Variants in HDLBP observed in about 807,000 individuals in gnomAD.
HDLBP encodes the protein high density lipoprotein binding protein.
A neutral mutation model predicts 137.3 loss-of-function variants in HDLBP; 30 were observed. That is an observed-to-expected ratio of 0.22 (90% confidence interval 0.16 to 0.30). HDLBP has a LOEUF of 0.30. Ranked by LOEUF, HDLBP falls within the 10% of genes least tolerant of loss-of-function variation. HDLBP has a pLI of 1.00. For synonymous variants in HDLBP, 606 were observed against 596.0 expected (o/e 1.02, Z -0.24); for missense variants, 1,119 against 1,667.3 (o/e 0.67, Z 5.73).
At chr2:241,306,022 A>G (rs1292067009) in intron 1 of HDLBP, among the ~76,000 whole-genome samples, 1 of 152,062 alleles carries the variant, frequency 6.6e-6, no homozygotes, top group Non-Finnish European at 1.5e-5. Context: ...AGCCTCCCAA[A>G]GTGCTGGGAT....
chr2:241,284,478 G>A (rs1559543333), intron 1 of HDLBP, among the ~76,000 whole-genome samples: 1 of 152,212 alleles, frequency 6.6e-6, no homozygotes, highest in Non-Finnish European at 1.5e-5. Flanking sequence ...CAGAGAAAGT[G>A]GTTTCCTAAG....
chr2:241,235,707 A>G, intron 21 of HDLBP, 113 bp from the exon 22 acceptor site: 1 of 687,982 alleles, frequency 1.5e-6, no homozygotes, highest in Non-Finnish European at 2.6e-6. Context: ...GACAACAGCA[A>G]TGTGCCCCAC....
At chr2:241,303,696 C>T (rs2075466694) in intron 1 of HDLBP, among the ~76,000 whole-genome samples, 1 of 152,236 alleles carries the variant, frequency 6.6e-6, no homozygotes, top group Admixed American at 6.5e-5. Flanking sequence ...GAGACCTGGC[C>T]TTCAGACTGG....
At chr2:241,262,172 A>G (rs945506279) in intron 5 of HDLBP, among the ~76,000 whole-genome samples, 1 of 152,240 alleles carries the variant, frequency 6.6e-6, no homozygotes, top group African/African-American at 2.4e-5. Flanking sequence ...AATCTCCTCA[A>G]TTTGGGGCCT....
At position 241,272,486 on chromosome 2, in the gene HDLBP, C is replaced by G. The variant is rs2074160112; in HGVS notation, c.-102-3945G>C. 1.0e-6 allele frequency: 1 copy of G among 984,494 alleles called. No individual in the cohort carries two copies. The highest frequency in any genetic ancestry group is 1.2e-6 in the Non-Finnish European group (1 of 829,664). The allele number at this position is 984,494 out of a possible 1,614,324, so 61.0% of individuals were successfully genotyped here. A position where few individuals can be genotyped will look rare whatever the true frequency, so the allele number is the denominator to read the frequency against. ...AGAGCGGCCCAGCGGCGCCACCGGA[C>G]TTGAGAAAGTTTGTGCGCGCCCCTC... On this transcript the variant is annotated intron_variant, in intron 1 of 27. Transcript: ENST00000310931. This position sits in a 1 kb window ranked among gnomAD's most constrained non-coding sequence, Gnocchi z 5.6.
Position 241,248,322 on chromosome 2 carries a change from G to C in HDLBP, c.1539C>G (p.Ile513Met). Reference sequence around the variant, plus strand: ...TTGTGCGATGAAATCTTTGCTCAATGATTAGATCCTTGGTACGCTCATTTT... The same window carrying C: ...TTGTGCGATGAAATCTTTGCTCAATCATTAGATCCTTGGTACGCTCATTTT... ...RMENERTKDL[I>M]IEQRFHRTII... Residue 513 changes from isoleucine to methionine, a missense_variant, in exon 13 of 28, where the codon ATC (isoleucine) becomes ATG (methionine). Ile to Met is a conservative substitution (Grantham distance 10, BLOSUM62 1). Coordinates refer to ENST00000310931, the MANE Select transcript of HDLBP (RefSeq NM_005336.6). The C allele has an allele frequency of 6.2e-7, 1 of 1,613,562 alleles. No homozygotes were observed. The highest frequency in any genetic ancestry group is 8.5e-7 in the Non-Finnish European group (1 of 1,179,466).
chr2:241,273,167 G>GA (rs1375445531), intron 1 of HDLBP: 1 of 985,372 alleles, frequency 1.0e-6, no homozygotes, highest in African/African-American at 1.7e-5. Flanking sequence ...AAAATCAGAA[G>GA]AAAAACCTCA....
chr2:241,285,082 T>C (rs1010365832), intron 1 of HDLBP, among the ~76,000 whole-genome samples: 4 of 152,224 alleles, frequency 2.6e-5, no homozygotes, highest in Non-Finnish European at 4.4e-5. Flanking sequence ...GGTTTCACCA[T>C]GTTGGCCAGG....
In HDLBP at chr2:241,229,978, G is replaced by C. The variant is rs758010521; in HGVS notation, c.3592-17C>G. On this transcript the variant is annotated splice_polypyrimidine_tract_variant and intron_variant, in intron 26 of 27. Coordinates refer to ENST00000310931, the MANE Select transcript of HDLBP (RefSeq NM_005336.6). ...GTCAGCTAGCTGCAGGCAGAAGACAGGAAGACAGGGTCAGTCTGCCCAGCA... is the reference window on the plus strand; with the variant it reads ...GTCAGCTAGCTGCAGGCAGAAGACACGAAGACAGGGTCAGTCTGCCCAGCA... The C allele has an allele frequency of 1.9e-5, 30 of 1,587,362 alleles. No homozygotes were observed. In the Admixed American group the frequency reaches 4.8e-4, roughly 26 times the overall value.
At chr2:241,244,258 C>T (rs560180195) in intron 16 of HDLBP, among the ~76,000 whole-genome samples, 7 of 152,214 alleles carry the variant, frequency 4.6e-5, no homozygotes, top group South Asian at 2.1e-4. Flanking sequence ...GAGTCCCTGA[C>T]GGGGAGACAG....
intron 1 of HDLBP, among the ~76,000 whole-genome samples, chr2:241,313,124 C>T (rs528533430): frequency 6.6e-6 from 1 of 152,358 alleles, no homozygotes. Context: ...TGTAGGAAGA[C>T]TTTCCAACAG....
chr2:241,261,737 G>C (rs527901057), intron 5 of HDLBP, among the ~76,000 whole-genome samples: 38 of 152,322 alleles, frequency 2.5e-4, no homozygotes, highest in Non-Finnish European at 4.0e-4. Context: ...AAGCCAGCTG[G>C]GGTTGGGGAC....
At chr2:241,258,346 C>CAAAAA (rs34675892) in intron 5 of HDLBP, among the ~76,000 whole-genome samples, 2 of 55,466 alleles carry the variant, frequency 3.6e-5, no homozygotes, top group Non-Finnish European at 3.1e-5. Flanking sequence ...GACTCCGTCT[C>CAAAAA]AAAAAAAAAA....
chr2:241,253,450 G>T lies in HDLBP; in HGVS notation c.1236C>A (p.Gly412=). Residue 412 remains glycine (G), a synonymous_variant, in exon 10 of 28, where the codon GGC becomes GGA. Transcript: ENST00000310931. ...GGGCCACATTGACATCCTCTGTAGGGCCCTCCAGGGTGATCTTGTCTTCGC... is the reference window on the plus strand; with the variant it reads ...GGGCCACATTGACATCCTCTGTAGGTCCCTCCAGGGTGATCTTGTCTTCGC... ...TEGEDKITLE[G]PTEDVNVAQE... 2 of 1,613,730 alleles carry T rather than the reference G, an allele frequency of 1.2e-6. No individual in the cohort carries two copies. The highest frequency in any genetic ancestry group is 1.7e-6 in the Non-Finnish European group (2 of 1,179,622).
At chr2:241,274,783 G>C (rs141926527) in intron 1 of HDLBP, among the ~76,000 whole-genome samples, 2 of 152,160 alleles carry the variant, frequency 1.3e-5, no homozygotes, top group Non-Finnish European at 2.9e-5. Flanking sequence ...TAAATAGTTC[G>C]TAGAAGCAAA....
intron 16 of HDLBP, 88 bp downstream of exon 16, chr2:241,246,664 G>C: frequency 7.6e-7 from 1 of 1,318,734 alleles, no homozygotes. Flanking sequence ...CTGGCCCAAT[G>C]ACCCTGCGTG....
chr2:241,290,470 C>T lies in HDLBP; in HGVS notation c.-102-21929G>A, dbSNP rs188601037. 2.9e-3 allele frequency among the ~76,000 whole-genome samples: 442 copies of T among 152,132 alleles called. 12 individuals carry two copies. Among genetic ancestry groups the T allele is most frequent in the Non-Finnish European group, 3.5e-4 (24 of 67,980 alleles). On this transcript the variant is annotated intron_variant, in intron 1 of 27. Coordinates refer to ENST00000310931, the MANE Select transcript of HDLBP (RefSeq NM_005336.6). ...TACTAAAAATACAAAATTAGCCGGG[C>T]GTGGCGGCACATGCCTGTAATCCCA...
chr2:241,254,445 A>G (rs1324435004), intron 9 of HDLBP, among the ~76,000 whole-genome samples: 2 of 151,398 alleles, frequency 1.3e-5, no homozygotes, highest in Non-Finnish European at 2.9e-5. Context: ...CTTTAAATTC[A>G]CACTTAATAC....
chr2:241,305,760 G>GTTTT (rs1195214073), intron 1 of HDLBP, among the ~76,000 whole-genome samples: 1 of 135,994 alleles, frequency 7.4e-6, no homozygotes, highest in South Asian at 2.4e-4. Flanking sequence ...TTGTTTATTT[G>GTTTT]TTTTTTTTTT....
Sources: gnomAD v4.1 joint callset for allele counts (sites outside exome capture counted in the v4.1 genomes callset) on GRCh38, gnomAD v4.1.1 for gene constraint, Gnocchi (gnomAD v3.1) non-coding constraint, MANE v1.5 for transcripts, NCBI Gene and HGNC (gene_info 2026-07-23, HGNC 2026-07-21) for gene names.